Variants in DNAH5 observed in about 807,000 individuals in gnomAD.
DNAH5 encodes axonemal beta dynein heavy chain 5.
In DNAH5, 372 loss-of-function variants were observed where a neutral mutation model predicts 518.2. The ratio of observed to expected loss-of-function variants is 0.72; its 90% confidence interval spans 0.66 to 0.78. DNAH5 has a LOEUF of 0.78. Ranked by LOEUF, DNAH5 falls within the 30% of genes least tolerant of loss-of-function variation. The pLI is 0.00. For synonymous variants in DNAH5, 2,039 were observed against 2,025.9 expected (o/e 1.01, Z -0.17); for missense variants, 5,523 against 5,687.0 (o/e 0.97, Z 0.93).
chr5:13,737,245 A>AAC lies in DNAH5; in HGVS notation c.11455+5_11455+6dup. 6.2e-7 allele frequency: 1 copy of AAC among 1,613,972 alleles called. No individual in the cohort carries two copies. Among genetic ancestry groups the AAC allele is most frequent in the Non-Finnish European group, 8.5e-7 (1 of 1,179,946 alleles). On this transcript the variant is annotated splice_region_variant and intron_variant, in intron 66 of 78. Transcript: ENST00000265104. ...CTGTGACATTTGTCTTTCATTACCAAACTCACCAGGTCTGTATTCCTCCCG... is the reference window on the plus strand; with the variant it reads ...CTGTGACATTTGTCTTTCATTACCAAACACTCACCAGGTCTGTATTCCTCCCG...
chr5:13,824,457 T>A (rs1049077997), intron 38 of DNAH5, 124 bp from the exon 39 acceptor site: 5 of 918,396 alleles, frequency 5.4e-6, no homozygotes, highest in Non-Finnish European at 5.2e-6. Flanking sequence ...AGAAAATGCA[T>A]ACACACAATG....
At chr5:13,767,015 G>A (rs1160313967) in intron 58 of DNAH5, among the ~76,000 whole-genome samples, 1 of 136,580 alleles carries the variant, frequency 7.3e-6, no homozygotes, top group Non-Finnish European at 1.6e-5. Context: ...TCACATAAAA[G>A]TGAATGATTT....
chr5:13,941,256 G>A (rs1290684899), intron 1 of DNAH5, among the ~76,000 whole-genome samples: 3 of 152,210 alleles, frequency 2.0e-5, no homozygotes, highest in Non-Finnish European at 4.4e-5. Flanking sequence ...TACTGAGGAG[G>A]CTGAGGTGGA....
chr5:13,715,811 C>G (rs1744209930), intron 74 of DNAH5, among the ~76,000 whole-genome samples: 1 of 152,192 alleles, frequency 6.6e-6, no homozygotes, highest in African/African-American at 2.4e-5. Flanking sequence ...AATTTTGCCC[C>G]CCAGAGGACA....
Position 13,699,365 on chromosome 5 carries a change from C to A in DNAH5, c.13723+1275G>T, listed in dbSNP as rs28488811. On this transcript the variant is annotated intron_variant, in intron 78 of 78. Transcript: ENST00000265104. ...TTCATAATGATCTTTGCATCCCTAG[C>A]ACCTAAGGTTATGGCTGGTAACTAT... Among the ~76,000 whole-genome samples, 1,307 of 152,312 alleles carry A rather than the reference C, an allele frequency of 8.6e-3. 17 individuals are homozygous for A. Among genetic ancestry groups the A allele is most frequent in the African/African-American group, 0.03 (1,253 of 41,570 alleles).
chr5:13,692,826 C>T (rs1222771912), intron 78 of DNAH5, among the ~76,000 whole-genome samples: 1 of 152,198 alleles, frequency 6.6e-6, no homozygotes, highest in Non-Finnish European at 1.5e-5. Flanking sequence ...CATCCATCTC[C>T]ACCCACATGC....
chr5:13,920,365 A>C (rs1434496014), intron 6 of DNAH5, 115 bp downstream of exon 6: 2 of 1,415,684 alleles, frequency 1.4e-6, no homozygotes, highest in Non-Finnish European at 2.0e-6. Context: ...TCACCTCCTC[A>C]AGGATTTACA....
At position 13,733,122 on chromosome 5, in the gene DNAH5, A is replaced by G. The variant is rs148938661; in HGVS notation, c.11761+2009T>C. Among the ~76,000 whole-genome samples the G allele has an allele frequency of 2.5e-3, 388 of 152,334 alleles. 3 individuals are homozygous for G. Among genetic ancestry groups the G allele is most frequent in the African/African-American group, 9.0e-3 (373 of 41,578 alleles). ...GCATATCCTATGTATCAGGATTTAC[A>G]TAAACTGTGTAAATTCTCAATAATC... is the stretch of plus-strand genomic sequence containing the variant. On this transcript the variant is annotated intron_variant, in intron 68 of 78. Transcript: ENST00000265104.
At chr5:13,860,823 T>C (rs1318582578) in intron 29 of DNAH5, among the ~76,000 whole-genome samples, 1 of 152,262 alleles carries the variant, frequency 6.6e-6, no homozygotes, top group East Asian at 1.9e-4. Flanking sequence ...TCTCTTCTTC[T>C]CTTTCTTATC....
chr5:13,870,685 A>G (rs1769959262), intron 24 of DNAH5, 82 bp downstream of exon 24: 1 of 1,249,674 alleles, frequency 8.0e-7, no homozygotes, highest in Non-Finnish European at 1.2e-6. Flanking sequence ...TAGTAACTTC[A>G]CTCCAGACCC....
intron 46 of DNAH5, 46 bp from the exon 47 acceptor site, chr5:13,807,771 G>T: frequency 2.0e-6 from 3 of 1,524,360 alleles, no homozygotes; most frequent in Non-Finnish European, 2.7e-6. Context: ...ATAAATGAGT[G>T]TGATGGGCTG....
rs557638842 is a variant in DNAH5 at position 13,887,642 on chromosome 5, C to T, written c.2578-1513G>A. On this transcript the variant is annotated intron_variant, in intron 17 of 78. Coordinates refer to ENST00000265104, the MANE Select transcript of DNAH5 (RefSeq NM_001369.3). ...TGCTTTAGCTTTGGCAAACCAGGAA[C>T]CTACTAGACGCCATGTCTTCTCAAG... 1.1e-4 allele frequency among the ~76,000 whole-genome samples: 17 copies of T among 152,288 alleles called. No homozygotes were observed. The South Asian group carries it at 3.1e-3, about 28-fold the overall frequency.
At chr5:13,856,753 G>GA (rs1372850459) in intron 30 of DNAH5, among the ~76,000 whole-genome samples, 20 of 152,218 alleles carry the variant, frequency 1.3e-4, no homozygotes, top group African/African-American at 4.6e-4. Context: ...CAGAACCAAT[G>GA]AAAAAACCAC....
chr5:13,793,380 T>C (rs552224324), intron 49 of DNAH5, 135 bp downstream of exon 49: 7 of 743,794 alleles, frequency 9.4e-6, no homozygotes, highest in African/African-American at 8.6e-5. Flanking sequence ...ATACACTGCT[T>C]GAGAGTGATG....
intron 71 of DNAH5, among the ~76,000 whole-genome samples, chr5:13,720,212 A>G (rs1233145841): frequency 6.6e-6 from 1 of 152,176 alleles, no homozygotes; most frequent in Non-Finnish European, 1.5e-5. Context: ...TTTTCTTCAG[A>G]AATTTACAGT....
chr5:13,917,644 C>G (rs560062755), intron 7 of DNAH5, among the ~76,000 whole-genome samples: 1 of 152,262 alleles, frequency 6.6e-6, no homozygotes, highest in African/African-American at 2.4e-5. Context: ...TACATTTATC[C>G]ATTAATGTAG....
In DNAH5 at chr5:13,914,519, C is replaced by A; in HGVS notation, c.1320+1G>T. The A allele has an allele frequency of 1.9e-6, 3 of 1,612,742 alleles. No homozygotes were observed. The highest frequency in any genetic ancestry group is 2.5e-6 in the Non-Finnish European group (3 of 1,179,242). On this transcript the variant is annotated splice_donor_variant, in intron 10 of 78. Transcript: ENST00000265104. LOFTEE classifies it high-confidence loss of function. The stretch of plus-strand genomic sequence containing the variant: ...CATCTAAATACTAAACTGACCATTA[C>A]CTGTTTCAGTTTAATCGCAGATAGT...
intron 29 of DNAH5, chr5:13,860,556 G>A (rs372147362): frequency 3.9e-5 from 6 of 152,314 alleles, no homozygotes; most frequent in African/African-American, 1.4e-4. Flanking sequence ...TACATGAAAT[G>A]TGAGTAGTGG....
Position 13,809,033 on chromosome 5 carries a change from A to G in DNAH5, c.7752+11T>C, listed in dbSNP as rs1173390408. ...AAATATGCTACAGTTAATAAAAATTAAAAGTCATACCTTGCCCTGTTTAGC... is the reference window on the plus strand; with the variant it reads ...AAATATGCTACAGTTAATAAAAATTGAAAGTCATACCTTGCCCTGTTTAGC... On this transcript the variant is annotated intron_variant, in intron 46 of 78. Coordinates refer to ENST00000265104, the MANE Select transcript of DNAH5 (RefSeq NM_001369.3). 1.9e-6 allele frequency: 3 copies of G among 1,613,872 alleles called. No homozygotes were observed. Among genetic ancestry groups the G allele is most frequent in the Non-Finnish European group, 2.5e-6 (3 of 1,179,862 alleles).
Sources: gnomAD v4.1 joint callset for allele counts (sites outside exome capture counted in the v4.1 genomes callset) on GRCh38, gnomAD v4.1.1 for gene constraint, MANE v1.5 for transcripts, NCBI Gene and HGNC (gene_info 2026-07-23, HGNC 2026-07-21) for gene names.